The following ACOX3 variants were observed in gnomAD, a reference collection of about 807,000 sequenced individuals.
ACOX3 encodes the protein acyl-CoA oxidase 3, pristanoyl, also known as peroxisomal acyl-coenzyme A oxidase 3.
A neutral mutation model predicts 81.5 loss-of-function variants in ACOX3; 73 were observed. That is an observed-to-expected ratio of 0.90 (90% CI 0.74 to 1.09). The LOEUF (loss-of-function observed/expected upper bound fraction) is 1.09, where lower values mean the gene tolerates loss of function less well. Ranked by LOEUF, ACOX3 falls within the 50% of genes least tolerant of loss-of-function variation. The pLI, the probability that ACOX3 is intolerant of heterozygous loss-of-function variation, is 0.00. For synonymous variants in ACOX3, 387 were observed against 375.1 expected, an observed-to-expected ratio of 1.03 and a Z score of -0.37; for missense variants, 947 against 928.0, an observed-to-expected ratio of 1.02 and a Z score of -0.27.
rs567670556 is a variant in ACOX3 at position 8,386,565 on chromosome 4, C to CAA, written c.1537+2606_1537+2607dup. 1.1e-4 allele frequency among the ~76,000 whole-genome samples: 7 copies of CAA among 64,456 alleles called. No homozygotes were observed. Among genetic ancestry groups the CAA allele is most frequent in the South Asian group, 5.2e-4 (1 of 1,934 alleles). 42.3% of individuals were successfully genotyped at this position (64,456 alleles called of 152,430 possible). ...TGGGCGACAGAGCGAGACTCCGTCT[C>CAA]AAAAAAAAAAAAAAAAAGAAAGTGA... On this transcript the variant is annotated intron_variant, in intron 13 of 17. Transcript: ENST00000356406. This position sits in a 1 kb window ranked among gnomAD's most constrained non-coding sequence, Gnocchi z 5.2.
rs549178177 is a variant in ACOX3 at position 8,398,348 on chromosome 4, C to T, written c.873+1208G>A. ...TCTTAGAAATTCCTCAATTTCTCTA[C>T]CGTGTGTCTGGGTACGTGCATAGGT... is the stretch of plus-strand genomic sequence containing the variant. On this transcript the variant is annotated intron_variant, in intron 8 of 17. Transcript: ENST00000356406. Among the ~76,000 whole-genome samples the T allele has an allele frequency of 4.6e-3, 706 of 152,278 alleles. 6 individuals carry two copies. The highest frequency in any genetic ancestry group is 0.016 in the African/African-American group (666 of 41,542).
chr4:8,428,830 T>G (rs1236969258), intron 1 of ACOX3, among the ~76,000 whole-genome samples: 1 of 152,200 alleles, frequency 6.6e-6, no homozygotes, highest in African/African-American at 2.4e-5. Flanking sequence ...ATCCCAGCGC[T>G]TTCGGAGGCC....
Position 8,431,575 on chromosome 4 carries a change from A to C in ACOX3, c.-15+9073T>G, listed in dbSNP as rs992079792. Among the ~76,000 whole-genome samples the C allele has an allele frequency of 2.2e-4, 34 of 152,178 alleles. No homozygotes were observed. Among genetic ancestry groups the C allele is most frequent in the African/African-American group, 7.2e-4 (30 of 41,436 alleles). Reference sequence around the variant, plus strand: ...ATGCCACTGGGACTGACACCAAGGGAGCAAATTTGGGGAAAAAAATAAGGG... The same window carrying C: ...ATGCCACTGGGACTGACACCAAGGGCGCAAATTTGGGGAAAAAAATAAGGG... On this transcript the variant is annotated intron_variant, in intron 1 of 17. Coordinates refer to ENST00000356406, the MANE Select transcript of ACOX3 (RefSeq NM_003501.3). This position sits in a 1 kb window ranked among gnomAD's most constrained non-coding sequence, Gnocchi z 5.3.
chr4:8,431,310 A>C lies in ACOX3; in HGVS notation c.-15+9338T>G, dbSNP rs752418675. Among the ~76,000 whole-genome samples the C allele has an allele frequency of 6.6e-6, 1 of 152,224 alleles. No individual in the cohort carries two copies. Among genetic ancestry groups the C allele is most frequent in the Non-Finnish European group, 1.5e-5 (1 of 68,024 alleles). On this transcript the variant is annotated intron_variant, in intron 1 of 17. Transcript: ENST00000356406. The surrounding 1 kb of genome is among the most constrained non-coding windows in gnomAD (Gnocchi z 5.3). ...TTTAGTTTCCCAGATTGGCATCTGC[A>C]GGTCAGACTGTAGTTCTCAGCTTTG...
At chr4:8,378,764 G>A (rs764467894) in intron 14 of ACOX3, among the ~76,000 whole-genome samples, 2 of 152,260 alleles carry the variant, frequency 1.3e-5, no homozygotes, top group Non-Finnish European at 2.9e-5. Context: ...GGCTTACAGT[G>A]GGTAAATGGT....
At position 8,414,477 on chromosome 4, in the gene ACOX3, C is replaced by A. The variant is rs1265602807; in HGVS notation, c.454-96G>T. 7.0e-6 allele frequency: 8 copies of A among 1,147,558 alleles called. No individual in the cohort carries two copies. The highest frequency in any genetic ancestry group is 1.0e-5 in the Non-Finnish European group (8 of 774,576). The allele number at this position is 1,147,558 out of a possible 1,614,324, so 71.1% of individuals were successfully genotyped here. A position where few individuals can be genotyped will look rare whatever the true frequency, so the allele number is the denominator to read the frequency against. On this transcript the variant is annotated intron_variant, in intron 4 of 17. Transcript: ENST00000356406. The surrounding 1 kb of genome is among the most constrained non-coding windows in gnomAD (Gnocchi z 6.1). Reference sequence around the variant, plus strand: ...TGCCATCTTTCCTTTAAAGATGAAACCACATATCAAAGCCCCAAATTTCCA... The same window carrying A: ...TGCCATCTTTCCTTTAAAGATGAAAACACATATCAAAGCCCCAAATTTCCA...
chr4:8,368,097 T>C lies in ACOX3; in HGVS notation c.1984-1017A>G. ...CTGCATCGACTGCTGCTCTGAAATC[T>C]GCTCTCACACCCCAGGCCGCTACAG... On this transcript the variant is annotated intron_variant, in intron 17 of 17. Coordinates refer to ENST00000356406, the MANE Select transcript of ACOX3 (RefSeq NM_003501.3). This position sits in a 1 kb window ranked among gnomAD's most constrained non-coding sequence, Gnocchi z 5.9. 6.6e-6 allele frequency among the ~76,000 whole-genome samples: 1 copy of C among 152,140 alleles called. No homozygotes were observed. The highest frequency in any genetic ancestry group is 1.9e-4 in the East Asian group (1 of 5,190).
intron 1 of ACOX3, among the ~76,000 whole-genome samples, chr4:8,429,142 C>G (rs914532290): frequency 1.3e-5 from 2 of 152,174 alleles, no homozygotes; most frequent in East Asian, 3.8e-4. Flanking sequence ...GAGATCCAAA[C>G]TAAGACACAC....
chr4:8,374,306 T>A (rs1716646888), intron 15 of ACOX3: 1 of 153,124 alleles, frequency 6.5e-6, no homozygotes, highest in South Asian at 2.1e-4. Flanking sequence ...GGCAGACACT[T>A]GTGTCCCTTC....
intron 1 of ACOX3, among the ~76,000 whole-genome samples, chr4:8,440,217 G>T (rs1189652319): frequency 6.6e-6 from 1 of 152,104 alleles, no homozygotes; most frequent in African/African-American, 2.4e-5. Flanking sequence ...TTTCTTTTTT[G>T]GGGAGCTCAG....
At chr4:8,367,536 C>A (rs755783204) in intron 17 of ACOX3, among the ~76,000 whole-genome samples, 2 of 151,972 alleles carry the variant, frequency 1.3e-5, no homozygotes, top group African/African-American at 4.8e-5. Context: ...AATTCTCTGT[C>A]ACTTTTTAGA....
At chr4:8,372,517 G>A (rs553363435) in intron 16 of ACOX3, among the ~76,000 whole-genome samples, 2 of 152,314 alleles carry the variant, frequency 1.3e-5, no homozygotes, top group East Asian at 1.9e-4. Context: ...CTGCCCCAAG[G>A]GGGTAAAATT....
intron 6 of ACOX3, among the ~76,000 whole-genome samples, chr4:8,409,931 T>A (rs576334539): frequency 1.1e-4 from 17 of 150,816 alleles, no homozygotes; most frequent in African/African-American, 3.4e-4. Context: ...GTCTGTGCAC[T>A]GTGGGCGCGG....
Position 8,381,677 on chromosome 4 carries a change from A to G in ACOX3, c.1538-70T>C. On this transcript the variant is annotated intron_variant, in intron 13 of 17. Coordinates refer to ENST00000356406, the MANE Select transcript of ACOX3 (RefSeq NM_003501.3). This position sits in a 1 kb window ranked among gnomAD's most constrained non-coding sequence, Gnocchi z 4.3. ...ACAGCATTTGTCACAACTCACCCCC[A>G]GGGACAAGGCACTGCCAGCATCCTG... 1 of 1,211,506 alleles carries G rather than the reference A, an allele frequency of 8.3e-7. No homozygotes were observed. The highest frequency in any genetic ancestry group is 1.3e-5 in the South Asian group (1 of 79,044). 75.0% of individuals were successfully genotyped at this position (1,211,506 alleles called of 1,614,324 possible).
chr4:8,435,641 T>C (rs1294331939), intron 1 of ACOX3, among the ~76,000 whole-genome samples: 2 of 152,250 alleles, frequency 1.3e-5, no homozygotes, highest in Non-Finnish European at 2.9e-5. Context: ...AATTCCTTTA[T>C]ATTGATTCAT....
chr4:8,414,483 A>C lies in ACOX3; in HGVS notation c.454-102T>G. The stretch of plus-strand genomic sequence containing the variant: ...CTTTCCTTTAAAGATGAAACCACAT[A>C]TCAAAGCCCCAAATTTCCATCTACC... On this transcript the variant is annotated intron_variant, in intron 4 of 17. Transcript: ENST00000356406. The surrounding 1 kb of genome is among the most constrained non-coding windows in gnomAD (Gnocchi z 6.1). 9.3e-7 allele frequency: 1 copy of C among 1,073,734 alleles called. No individual in the cohort carries two copies. The highest frequency in any genetic ancestry group is 1.4e-6 in the Non-Finnish European group (1 of 712,276). The allele number at this position is 1,073,734 out of a possible 1,614,324, so 66.5% of individuals were successfully genotyped here.
At position 8,390,970 on chromosome 4, in the gene ACOX3, G is replaced by A. The variant is rs898637078; in HGVS notation, c.1301-1236C>T. 4.0e-5 allele frequency among the ~76,000 whole-genome samples: 6 copies of A among 151,488 alleles called. No homozygotes were observed. In the South Asian group the frequency reaches 1.0e-3, roughly 26 times the overall value. On this transcript the variant is annotated intron_variant, in intron 11 of 17. Transcript: ENST00000356406. Reference sequence around the variant, plus strand: ...AATTGATTTTCTAAACCTAGATGGAGCCTCGGTCATATTGGTCTCAATCCC... The same window carrying A: ...AATTGATTTTCTAAACCTAGATGGAACCTCGGTCATATTGGTCTCAATCCC...
intron 14 of ACOX3, among the ~76,000 whole-genome samples, chr4:8,380,411 G>C (rs1456072487): frequency 6.6e-6 from 1 of 152,072 alleles, no homozygotes; most frequent in Non-Finnish European, 1.5e-5. Context: ...GGATGGTCTT[G>C]ATCTCCTGAC....
At chr4:8,377,673 CG>C (rs964645471) in intron 14 of ACOX3, among the ~76,000 whole-genome samples, 1 of 152,130 alleles carries the variant, frequency 6.6e-6, no homozygotes, top group Admixed American at 6.5e-5. Flanking sequence ...CAGCAGTCAC[CG>C]GGGGGGACAC....
Sources: allele counts gnomAD v4.1 joint callset (sites outside exome capture counted in the v4.1 genomes callset), GRCh38; gene constraint gnomAD v4.1.1; non-coding constraint Gnocchi (gnomAD v3.1); transcripts MANE v1.5; gene names NCBI Gene and HGNC (gene_info 2026-07-23, HGNC 2026-07-21).